The following ITGA5 variants were observed in gnomAD, a reference collection of about 807,000 sequenced individuals.
ITGA5 encodes the protein integrin alpha-5.
A neutral mutation model predicts 146.3 loss-of-function variants in ITGA5; 55 were observed. The ratio of observed to expected loss-of-function variants is 0.38; its 90% CI spans 0.30 to 0.47. The LOEUF is 0.47. Among genes scored for constraint, ITGA5 ranks in the 20% least tolerant of loss-of-function variants. The pLI, the probability that ITGA5 is intolerant of heterozygous loss-of-function variation, is 0.99. For missense variants in ITGA5, 1,131 were observed against 1,329.0 expected (o/e 0.85, Z 2.32); for synonymous variants, 500 against 531.8 (o/e 0.94, Z 0.82).
chr12:54,410,274 A>G (rs1955925800), intron 2 of ITGA5, among the ~76,000 whole-genome samples: 1 of 151,540 alleles, frequency 6.6e-6, no homozygotes. Context: ...CTATTTCCCA[A>G]GAGAGTAACC....
At position 54,405,863 on chromosome 12, in the gene ITGA5, T is replaced by A. The variant is rs373516884; in HGVS notation, c.963+7A>T. 7 of 1,613,280 alleles carry A rather than the reference T, an allele frequency of 4.3e-6. No homozygotes were observed. In the African/African-American group the frequency reaches 9.3e-5, roughly 22 times the overall value. On this transcript the variant is annotated splice_region_variant and intron_variant, in intron 10 of 29. Transcript: ENST00000293379. ...CAAGCTGGGGTGGGGTTGAGGGGTATCCTTACCTGTTCCCCTGAGAAGTTG... is the reference window on the plus strand; with the variant it reads ...CAAGCTGGGGTGGGGTTGAGGGGTAACCTTACCTGTTCCCCTGAGAAGTTG...
Position 54,399,942 on chromosome 12 carries a change from A to C in ITGA5, c.2649T>G (p.Asp883Glu). The change falls in exon 26 of 30, where the codon GAT (aspartate) becomes GAG (glutamate). Residue 883 changes from aspartate (D) to glutamate (E), a missense_variant. By Grantham distance (45) the Asp-to-Glu change is conservative (BLOSUM62 2). Coordinates refer to ENST00000293379, the MANE Select transcript of ITGA5 (RefSeq NM_002205.5). The part of the protein sequence containing the change: ...HPINPKGLEL[D>E]PEGSLHHQQK... Reference sequence around the variant, plus strand: ...GCTGGTGGTGCAGGGAACCCTCGGGATCCAACTATAAAAGAAAGTGTTGGG... The same window carrying C: ...GCTGGTGGTGCAGGGAACCCTCGGGCTCCAACTATAAAAGAAAGTGTTGGG... 1 of 1,613,364 alleles carries C rather than the reference A, an allele frequency of 6.2e-7. No homozygotes were observed. The highest frequency in any genetic ancestry group is 8.5e-7 in the Non-Finnish European group (1 of 1,179,356).
In ITGA5 at chr12:54,399,315, G is replaced by A. The variant is rs531020606; in HGVS notation, c.2841+330C>T. Among the ~76,000 whole-genome samples, 7 of 152,342 alleles carry A rather than the reference G, an allele frequency of 4.6e-5. No individual in the cohort carries two copies. The South Asian group carries it at 1.4e-3, about 32-fold the overall frequency. On this transcript the variant is annotated intron_variant, in intron 27 of 29. Transcript: ENST00000293379. ...CTAGCCTGCAGTGTGTGCTCAAGAA[G>A]TGACTGCTCTTTACTATTCCTACAT...
Position 54,408,907 on chromosome 12 carries a change from C to T in ITGA5, c.631G>A (p.Ala211Thr), listed in dbSNP as rs1199065438. 1.2e-6 allele frequency: 2 copies of T among 1,614,128 alleles called. No individual in the cohort carries two copies. Among genetic ancestry groups the T allele is most frequent in the South Asian group, 2.2e-5 (2 of 91,088 alleles). Residue 211 changes from alanine (A) to threonine (T), a missense_variant, in exon 5 of 30, where the codon GCC (alanine) becomes ACC (threonine). Transcript: ENST00000293379. The stretch of plus-strand genomic sequence containing the variant: ...CACTCTCTCACCTTGGTGAACTCGG[C>T]ACTGAAGCCTCCTTGGCAGTAACCC... ...GQGYCQGGFS[A>T]EFTKTGRVVL...
In ITGA5 at chr12:54,419,099, GCAGCAGCAGCAA is replaced by G. The variant is rs1565646712; in HGVS notation, c.88_99del (p.Leu30_Leu33del). ...AAGCCCCCGACCCTGGGTGGCGGCG[GCAGCAGCAGCAA>G]CAGCAGCGGCAGCAGCGGGGGTCGG... On this transcript the variant is annotated inframe_deletion, in exon 1 of 30. Coordinates refer to ENST00000293379, the MANE Select transcript of ITGA5 (RefSeq NM_002205.5). The G allele has an allele frequency of 6.3e-7, 1 of 1,587,538 alleles. No homozygotes were observed.
Position 54,395,674 on chromosome 12 carries a change from G to C in ITGA5, c.*619C>G, listed in dbSNP as rs1328777071. 6.5e-6 allele frequency: 1 copy of C among 152,956 alleles called. No individual in the cohort carries two copies. Among genetic ancestry groups the C allele is most frequent in the Non-Finnish European group, 1.5e-5 (1 of 68,428 alleles). The allele number at this position is 152,956 out of a possible 1,614,324, so 9.5% of individuals were successfully genotyped here. On this transcript the variant is annotated 3_prime_UTR_variant, in exon 30 of 30. Transcript: ENST00000293379. ...AACTCCAGACCCCAGGCTGGATCTG[G>C]CCCCATTTGAGTTCTGATTCCCCTT...
chr12:54,400,253 C>A, intron 25 of ITGA5: 1 of 354,292 alleles, frequency 2.8e-6, no homozygotes, highest in Non-Finnish European at 5.2e-6. Context: ...ACAGGTTCAA[C>A]CTTATCTTTC....
At position 54,401,519 on chromosome 12, in the gene ITGA5, C is replaced by T. The variant is rs773943492; in HGVS notation, c.2388-41G>A. ...GTTTAGAGGAGGGTGGAAGGAACCCCATATGCATCCTTCCCTAGAAGTCTG... is the reference window on the plus strand; with the variant it reads ...GTTTAGAGGAGGGTGGAAGGAACCCTATATGCATCCTTCCCTAGAAGTCTG... On this transcript the variant is annotated intron_variant, in intron 23 of 29. Transcript: ENST00000293379. This position sits in a 1 kb window ranked among gnomAD's most constrained non-coding sequence, Gnocchi z 5.0. 1 of 1,574,112 alleles carries T rather than the reference C, an allele frequency of 6.4e-7. No individual in the cohort carries two copies. Among genetic ancestry groups the T allele is most frequent in the Admixed American group, 1.7e-5 (1 of 59,680 alleles).
chr12:54,417,340 C>T (rs937068694), intron 1 of ITGA5, among the ~76,000 whole-genome samples: 1 of 151,822 alleles, frequency 6.6e-6, no homozygotes, highest in Non-Finnish European at 1.5e-5. Flanking sequence ...GGGAGGAGAC[C>T]TCATCCCCTT....
chr12:54,400,746 C>A (rs541167312), intron 25 of ITGA5, 100 bp downstream of exon 25: 2 of 1,208,622 alleles, frequency 1.7e-6, no homozygotes, highest in Non-Finnish European at 1.2e-6. Context: ...ATAGGCACAT[C>A]CTCATTGCCT....
chr12:54,404,516 G>C, intron 13 of ITGA5, 41 bp from the exon 14 acceptor site: 12 of 1,610,234 alleles, frequency 7.5e-6, no homozygotes, highest in Non-Finnish European at 1.0e-5. Flanking sequence ...GCAAGCCCCA[G>C]ATCAGGATCC....
At chr12:54,400,587 A>G (rs948188170) in intron 25 of ITGA5, 4 of 427,036 alleles carry the variant, frequency 9.4e-6, no homozygotes, top group African/African-American at 8.1e-5. Flanking sequence ...AAGGCTTCCT[A>G]GAGGAGGTGG....
rs1955778399 is a variant in ITGA5, at chr12:54,401,022, T to C, written c.2494-27A>G. On this transcript the variant is annotated intron_variant, in intron 24 of 29. Coordinates refer to ENST00000293379, the MANE Select transcript of ITGA5 (RefSeq NM_002205.5). This position sits in a 1 kb window ranked among gnomAD's most constrained non-coding sequence, Gnocchi z 5.0. The stretch of plus-strand genomic sequence containing the variant: ...TGAGGAGGGAAGAGCACAATCATCA[T>C]GAGAAGGAAGGGAATGCTTCTGCCC... The C allele has an allele frequency of 3.1e-6, 5 of 1,609,414 alleles. No homozygotes were observed. Among genetic ancestry groups the C allele is most frequent in the East Asian group, 2.2e-5 (1 of 44,828 alleles).
chr12:54,397,771 G>A (rs187395283), intron 28 of ITGA5, among the ~76,000 whole-genome samples: 2 of 152,296 alleles, frequency 1.3e-5, no homozygotes, highest in Non-Finnish European at 2.9e-5. Flanking sequence ...TGGATTAGGT[G>A]CCAATGTCTG....
intron 2 of ITGA5, among the ~76,000 whole-genome samples, chr12:54,410,597 A>G (rs1452799837): frequency 6.7e-6 from 1 of 150,096 alleles, no homozygotes; most frequent in Non-Finnish European, 1.5e-5. Context: ...CACTCAGGCT[A>G]CAGGGCAGTG....
chr12:54,405,027 A>T (rs1354856560), intron 12 of ITGA5, 133 bp from the exon 13 acceptor site: 6 of 1,194,756 alleles, frequency 5.0e-6, no homozygotes, highest in Admixed American at 2.5e-5. Context: ...TTCAAATCCC[A>T]AGACCCAGAC....
At chr12:54,402,763 T>C (rs1445276812) in intron 19 of ITGA5, among the ~76,000 whole-genome samples, 3 of 152,174 alleles carry the variant, frequency 2.0e-5, no homozygotes, top group Non-Finnish European at 4.4e-5. Flanking sequence ...TCTAACTCTA[T>C]GGCAGGCACT....
chr12:54,399,750 C>A lies in ITGA5; in HGVS notation c.2736G>T (p.Pro912=). 1 of 1,614,100 alleles carries A rather than the reference C, an allele frequency of 6.2e-7. No individual in the cohort carries two copies. The highest frequency in any genetic ancestry group is 1.1e-5 in the South Asian group (1 of 91,082). ...ASSGPQILKC[P]EAECFRLRCE... ...AGCGCAGCCTGAAACACTCAGCCTC[C>A]GGGCATTTCTAGGAAGAAAGAAGCT... Residue 912 remains proline, a synonymous_variant, in exon 27 of 30, where the codon CCG becomes CCT. Coordinates refer to ENST00000293379, the MANE Select transcript of ITGA5 (RefSeq NM_002205.5).
intron 28 of ITGA5, 22 bp from the exon 29 acceptor site, chr12:54,397,509 G>A (rs1348148807): frequency 6.2e-7 from 1 of 1,613,278 alleles, no homozygotes; most frequent in South Asian, 1.1e-5. Context: ...GTTGGGTGAA[G>A]TCAATGAAAG....
Sources: gnomAD v4.1 joint callset for allele counts (sites outside exome capture counted in the v4.1 genomes callset) on GRCh38, gnomAD v4.1.1 for gene constraint, Gnocchi (gnomAD v3.1) non-coding constraint, MANE v1.5 for transcripts, NCBI Gene and HGNC (gene_info 2026-07-23, HGNC 2026-07-21) for gene names.